Variants in SLC4A7 observed in about 807,000 individuals in gnomAD.
The protein encoded by SLC4A7 is solute carrier family 4 member 7.
Under a neutral mutation model 137.6 loss-of-function variants are expected in SLC4A7, and 51 were observed. That is an observed-to-expected ratio of 0.37 (90% CI 0.30 to 0.47). The LOEUF (loss-of-function observed/expected upper bound fraction) is 0.47, where lower values mean the gene tolerates loss of function less well. SLC4A7 is among the 20% of genes least tolerant of loss of function. The pLI is 1.00. For missense variants in SLC4A7, 1,247 were observed against 1,525.4 expected, an observed-to-expected ratio of 0.82 and a Z score of 3.04; for synonymous variants, 542 against 518.6, an observed-to-expected ratio of 1.05 and a Z score of -0.61.
Position 27,431,329 on chromosome 3 carries a change from C to T in SLC4A7, c.1119G>A (p.Gln373=). 6.2e-7 allele frequency: 1 copy of T among 1,601,892 alleles called. No homozygotes were observed. Among genetic ancestry groups the T allele is most frequent in the Non-Finnish European group, 8.5e-7 (1 of 1,173,120 alleles). ...TTAAGTCAACATTTTCCTCATTCTT[C>T]TGCTCCTCGCCTTTCAGCGCTGCTT... The part of the protein sequence containing the change: ...DLEAALKGEE[Q]KNEENVDLTP... The change falls in exon 7 of 26, where the codon CAG becomes CAA. Residue 373 remains glutamine, a synonymous_variant. Transcript: ENST00000454389.
At chr3:27,430,300 T>TGC (rs1343925664) in intron 7 of SLC4A7, among the ~76,000 whole-genome samples, 2 of 143,514 alleles carry the variant, frequency 1.4e-5, no homozygotes, top group Non-Finnish European at 3.2e-5. Context: ...GTGAACTGCA[T>TGC]GCACACACAC....
intron 7 of SLC4A7, among the ~76,000 whole-genome samples, chr3:27,429,861 G>T (rs529383226): frequency 7.1e-6 from 1 of 141,816 alleles, no homozygotes; most frequent in Admixed American, 7.1e-5. Context: ...CACCCCACCC[G>T]CCCAAGCAAA....
At chr3:27,392,597 G>A (rs1385536336) in intron 20 of SLC4A7, among the ~76,000 whole-genome samples, 1 of 152,028 alleles carries the variant, frequency 6.6e-6, no homozygotes, top group African/African-American at 2.4e-5. Flanking sequence ...AGGCTGAGGC[G>A]GGCAGATCAC....
In SLC4A7 at chr3:27,436,383, A is replaced by G. The variant is rs1265284404; in HGVS notation, c.589+5T>C. On this transcript the variant is annotated splice_donor_5th_base_variant and intron_variant, in intron 5 of 25. Transcript: ENST00000454389. Reference sequence around the variant, plus strand: ...CATATTTTTTAAAAGTCAGTTTACTATAACCTGCTATTTCATCTAGAGTGC... The same window carrying G: ...CATATTTTTTAAAAGTCAGTTTACTGTAACCTGCTATTTCATCTAGAGTGC... The G allele has an allele frequency of 9.3e-6, 15 of 1,606,262 alleles. No individual in the cohort carries two copies. The highest frequency in any genetic ancestry group is 1.3e-5 in the Non-Finnish European group (15 of 1,176,018).
chr3:27,402,037 G>A (rs867888539), intron 15 of SLC4A7, among the ~76,000 whole-genome samples: 18 of 152,232 alleles, frequency 1.2e-4, no homozygotes, highest in African/African-American at 4.3e-4. Flanking sequence ...GAAAGGCAGC[G>A]GGGGAAGAAC....
intron 3 of SLC4A7, among the ~76,000 whole-genome samples, chr3:27,439,515 T>A (rs943785847): frequency 1.2e-4 from 19 of 152,210 alleles, no homozygotes. Context: ...AGTGCTACCA[T>A]AAGCAATAAT....
intron 1 of SLC4A7, among the ~76,000 whole-genome samples, chr3:27,477,653 G>A (rs1237067295): frequency 2.0e-5 from 3 of 152,122 alleles, no homozygotes; most frequent in Non-Finnish European, 2.9e-5. Context: ...CTGTTGCCCA[G>A]GAATGCAGTG....
intron 3 of SLC4A7, among the ~76,000 whole-genome samples, chr3:27,441,965 G>A (rs541196364): frequency 8.7e-4 from 132 of 151,088 alleles, no homozygotes; most frequent in African/African-American, 2.5e-3. Context: ...ACACGATCTC[G>A]GCTCACTGCA....
At chr3:27,478,234 CG>C (rs1429805895) in intron 1 of SLC4A7, among the ~76,000 whole-genome samples, 2 of 151,802 alleles carry the variant, frequency 1.3e-5, no homozygotes, top group African/African-American at 4.8e-5. Flanking sequence ...AACATTAAAG[CG>C]GGCAGGGTGC....
rs2058430843 is a variant in SLC4A7 at position 27,456,679 on chromosome 3, T to C, written c.61-4181A>G. 5 of 1,611,196 alleles carry C rather than the reference T, an allele frequency of 3.1e-6. No homozygotes were observed. In the South Asian group the frequency reaches 4.4e-5, roughly 14 times the overall value. ...TAACTTCTTCTCCAGACGAAATCTT[T>C]CCATAGTAATATAGAAATGCCTTGT... On this transcript the variant is annotated intron_variant, in intron 1 of 25. Transcript: ENST00000454389.
At chr3:27,420,626 A>G in intron 10 of SLC4A7, 74 bp downstream of exon 10, 1 of 882,798 alleles carries the variant, frequency 1.1e-6, no homozygotes, top group South Asian at 2.0e-5. Context: ...AAGAAAAGAG[A>G]ACTGTAATCT....
Position 27,390,074 on chromosome 3 carries a change from G to T in SLC4A7, c.3217C>A (p.Pro1073Thr), listed in dbSNP as rs2051374571. The T allele has an allele frequency of 6.2e-7, 1 of 1,606,070 alleles. No homozygotes were observed. The highest frequency in any genetic ancestry group is 8.5e-7 in the Non-Finnish European group (1 of 1,174,458). Residue 1073 changes from proline (P) to threonine (T), a missense_variant, in exon 22 of 26, where the codon CCT (proline) becomes ACT (threonine). Pro to Thr is a conservative substitution (Grantham distance 38). Around this residue, in one of 6 missense-constraint regions of SLC4A7, gnomAD observed 290 missense variants for 323.8 expected, o/e 0.90. Coordinates refer to ENST00000454389, the MANE Select transcript of SLC4A7 (RefSeq NM_001321103.2). The stretch of plus-strand genomic sequence containing the variant: ...ATCAAATCAGGCTGATGCTTAGCAG[G>T]CATTCCAAATAATTTTATACGGTCA... ...LFDRIKLFGM[P>T]AKHQPDLIYL... is the part of the protein sequence containing the mutation.
At chr3:27,422,759 GAA>G in intron 8 of SLC4A7, 1 of 455,818 alleles carries the variant, frequency 2.2e-6, no homozygotes, top group Non-Finnish European at 4.4e-6. Flanking sequence ...GGCTATCTAT[GAA>G]AAGTAAAACC....
chr3:27,480,598 T>G (rs190884196), intron 1 of SLC4A7, among the ~76,000 whole-genome samples: 12 of 152,114 alleles, frequency 7.9e-5, no homozygotes, highest in Non-Finnish European at 1.8e-4. Context: ...CAGAGATACT[T>G]AGAATAAGGC....
intron 10 of SLC4A7, 55 bp downstream of exon 10, chr3:27,420,645 C>T: frequency 9.0e-7 from 1 of 1,114,860 alleles, no homozygotes; most frequent in Non-Finnish European, 1.4e-6. Flanking sequence ...CTAATATATA[C>T]TATATGCTGC....
At chr3:27,481,002 C>A (rs1052328121) in intron 1 of SLC4A7, among the ~76,000 whole-genome samples, 1 of 152,072 alleles carries the variant, frequency 6.6e-6, no homozygotes, top group Non-Finnish European at 1.5e-5. Flanking sequence ...AAAATCATAA[C>A]AAAATCATGG....
At chr3:27,407,044 C>T (rs1361641281) in intron 13 of SLC4A7, among the ~76,000 whole-genome samples, 3 of 149,894 alleles carry the variant, frequency 2.0e-5, no homozygotes, top group Non-Finnish European at 3.0e-5. Context: ...ACAGGCAAAT[C>T]GGTATAAAAT....
At chr3:27,464,390 G>C (rs1208612118) in intron 1 of SLC4A7, among the ~76,000 whole-genome samples, 1 of 152,110 alleles carries the variant, frequency 6.6e-6, no homozygotes. Flanking sequence ...GGGTGAAATA[G>C]TGACATTTTA....
At chr3:27,457,429 T>C (rs992126932) in intron 1 of SLC4A7, among the ~76,000 whole-genome samples, 2 of 152,150 alleles carry the variant, frequency 1.3e-5, no homozygotes, top group Admixed American at 6.5e-5. Flanking sequence ...TCTGATGTGA[T>C]CTGCCCTTGG....
Sources: allele counts gnomAD v4.1 joint callset (sites outside exome capture counted in the v4.1 genomes callset), GRCh38; gene constraint gnomAD v4.1.1; regional missense constraint gnomAD v4.1.1; transcripts MANE v1.5; gene names NCBI Gene and HGNC (gene_info 2026-07-23, HGNC 2026-07-21).